The following SLC39A10 variants were observed in gnomAD, a reference collection of about 807,000 sequenced individuals.
SLC39A10 encodes zinc transporter ZIP10.
SLC39A10 carries 13 observed loss-of-function variants against 65.1 expected under a neutral mutation model. The ratio of observed to expected loss-of-function variants is 0.20; its 90% confidence interval spans 0.13 to 0.32. The LOEUF is 0.32. Ranked by LOEUF, SLC39A10 falls within the 10% of genes least tolerant of loss-of-function variation. The pLI is 1.00. For synonymous variants in SLC39A10, 321 were observed against 342.2 expected, an observed-to-expected ratio of 0.94 and a Z score of 0.68; for missense variants, 831 against 1,018.4, an observed-to-expected ratio of 0.82 and a Z score of 2.50.
At chr2:195,711,787 A>G (rs1691607993) in intron 5 of SLC39A10, among the ~76,000 whole-genome samples, 1 of 152,204 alleles carries the variant, frequency 6.6e-6, no homozygotes, top group African/African-American at 2.4e-5. Context: ...CAATTAAACA[A>G]AATCTCAGCT....
chr2:195,728,947 C>G lies in SLC39A10; in HGVS notation c.2337+598C>G, dbSNP rs1692336154. On this transcript the variant is annotated intron_variant, in intron 9 of 9. Coordinates refer to ENST00000359634, the MANE Select transcript of SLC39A10 (RefSeq NM_020342.3). This position sits in a 1 kb window ranked among gnomAD's most constrained non-coding sequence, Gnocchi z 4.4. The stretch of plus-strand genomic sequence containing the variant: ...TTTACTTTTTTTTTTCTGGTAAGAT[C>G]ACAGTCTTATTTCAAAATTATGCAG... Among the ~76,000 whole-genome samples the G allele has an allele frequency of 6.7e-6, 1 of 148,830 alleles. No individual in the cohort carries two copies. Among genetic ancestry groups the G allele is most frequent in the South Asian group, 2.1e-4 (1 of 4,746 alleles).
Position 195,700,141 on chromosome 2 carries a change from CAT to C in SLC39A10, c.1217-6473_1217-6472del, listed in dbSNP as rs1691120665. ...TAAAGTGAGTCTCTTGTATATAACA[CAT>C]AGTTGACTCATGTGTTTTTATTCAT... On this transcript the variant is annotated intron_variant, in intron 3 of 9. Transcript: ENST00000359634. Among the ~76,000 whole-genome samples, 4 of 152,218 alleles carry C rather than the reference CAT, an allele frequency of 2.6e-5. No individual in the cohort carries two copies. In the South Asian group the frequency reaches 6.2e-4, roughly 24 times the overall value.
chr2:195,643,575 A>G (rs942868925), intron 2 of SLC39A10, among the ~76,000 whole-genome samples: 13 of 152,354 alleles, frequency 8.5e-5, no homozygotes, highest in African/African-American at 3.1e-4. Flanking sequence ...TGGATAAACC[A>G]TTTTGCAGAA....
intron 1 of SLC39A10, among the ~76,000 whole-genome samples, chr2:195,673,950 C>G (rs894682413): frequency 1.3e-5 from 2 of 152,168 alleles, no homozygotes; most frequent in African/African-American, 4.8e-5. Context: ...TGTACTTCCT[C>G]TATCAGCTGA....
chr2:195,690,509 G>C (rs545771007), intron 3 of SLC39A10, among the ~76,000 whole-genome samples: 1 of 152,264 alleles, frequency 6.6e-6, no homozygotes, highest in African/African-American at 2.4e-5. Context: ...GAGTGCACAA[G>C]TCTCCCAGTT....
upstream of SLC39A10, chr2:195,656,809 G>C (rs757848057): frequency 6.6e-6 from 1 of 152,190 alleles, no homozygotes; most frequent in Non-Finnish European, 1.5e-5. Context: ...TTACTCATTC[G>C]CCTTGCCCAA....
intron 6 of SLC39A10, among the ~76,000 whole-genome samples, chr2:195,716,341 C>G (rs1053112797): frequency 4.6e-5 from 7 of 152,144 alleles, no homozygotes; most frequent in Admixed American, 2.0e-4. Context: ...ACTTTGCCTG[C>G]TTTTGATTTC....
intron 2 of SLC39A10, among the ~76,000 whole-genome samples, chr2:195,643,024 G>A (rs781084951): frequency 6.6e-6 from 1 of 152,194 alleles, no homozygotes; most frequent in South Asian, 2.1e-4. Context: ...CTTACTTGGT[G>A]GGACAATCAG....
At chr2:195,634,313 A>G (rs912827683) in intron 2 of SLC39A10, among the ~76,000 whole-genome samples, 1 of 152,222 alleles carries the variant, frequency 6.6e-6, no homozygotes, top group Non-Finnish European at 1.5e-5. Flanking sequence ...TGATTACTAT[A>G]TAACAGAGGA....
chr2:195,702,594 T>G (rs1032652932), intron 3 of SLC39A10, among the ~76,000 whole-genome samples: 23 of 152,242 alleles, frequency 1.5e-4, no homozygotes, highest in African/African-American at 5.5e-4. Flanking sequence ...ATCCTCCTCT[T>G]TTAACCATGT....
Position 195,725,066 on chromosome 2 carries a change from C to T in SLC39A10, c.2147-3093C>T, listed in dbSNP as rs188182741. ...AACAAATGGCGCTGTAACAATTGGA[C>T]ATCTACATGCAATTAAAAAAAAAGG... On this transcript the variant is annotated intron_variant, in intron 8 of 9. Transcript: ENST00000359634. Among the ~76,000 whole-genome samples the T allele has an allele frequency of 3.4e-4, 52 of 151,640 alleles. No individual in the cohort carries two copies. The East Asian group carries it at 9.9e-3, about 29-fold the overall frequency.
rs985692986 is a variant in SLC39A10 at position 195,621,208 on chromosome 2, T to C, written c.-12+14975T>C. The stretch of plus-strand genomic sequence containing the variant: ...ATGATGGTGCTTTTTGGAATCATAG[T>C]GAATTATATGAATTGTTGAGACAGG... On this transcript the variant is annotated intron_variant, in intron 2 of 2. Coordinates refer to the SLC39A10 transcript ENST00000458054. Among the ~76,000 whole-genome samples, 3 of 152,360 alleles carry C rather than the reference T, an allele frequency of 2.0e-5. No homozygotes were observed. In the East Asian group the frequency reaches 5.8e-4, roughly 29 times the overall value.
At chr2:195,650,406 G>A (rs1689008563) in intron 2 of SLC39A10, among the ~76,000 whole-genome samples, 1 of 151,826 alleles carries the variant, frequency 6.6e-6, no homozygotes, top group Non-Finnish European at 1.5e-5. Context: ...TTTTGCTTTT[G>A]TTCATTCTTC....
At chr2:195,724,291 T>A (rs993920996) in intron 8 of SLC39A10, among the ~76,000 whole-genome samples, 2 of 152,204 alleles carry the variant, frequency 1.3e-5, no homozygotes, top group East Asian at 3.8e-4. Flanking sequence ...GGAAAGAATA[T>A]TGATTTATCA....
chr2:195,645,746 G>C (rs1412892083), intron 2 of SLC39A10, among the ~76,000 whole-genome samples: 10 of 152,096 alleles, frequency 6.6e-5, no homozygotes, highest in Non-Finnish European at 1.5e-4. Flanking sequence ...GTTAATTCAT[G>C]TTGTAGCATG....
At chr2:195,672,208 A>G (rs555506129) in intron 1 of SLC39A10, among the ~76,000 whole-genome samples, 1 of 151,964 alleles carries the variant, frequency 6.6e-6, no homozygotes, top group Non-Finnish European at 1.5e-5. Context: ...TTGGCTCACT[A>G]CAGCCTGGCC....
At chr2:195,681,494 C>T (rs1296946106) in intron 2 of SLC39A10, among the ~76,000 whole-genome samples, 3 of 152,062 alleles carry the variant, frequency 2.0e-5, no homozygotes, top group Admixed American at 2.0e-4. Context: ...CACTGCACTC[C>T]AGCCTGGGCG....
chr2:195,723,821 T>TC (rs1692138890), intron 8 of SLC39A10, among the ~76,000 whole-genome samples: 1 of 152,118 alleles, frequency 6.6e-6, no homozygotes, highest in African/African-American at 2.4e-5. Flanking sequence ...TTGTGTAGTA[T>TC]ACCAGGGTGA....
chr2:195,710,558 A>G (rs897345736), intron 5 of SLC39A10, among the ~76,000 whole-genome samples: 2 of 152,210 alleles, frequency 1.3e-5, no homozygotes, highest in African/African-American at 4.8e-5. Flanking sequence ...TGGTTTACAT[A>G]AAACTTATTT....
Sources: allele counts gnomAD v4.1 joint callset (sites outside exome capture counted in the v4.1 genomes callset), GRCh38; gene constraint gnomAD v4.1.1; non-coding constraint Gnocchi (gnomAD v3.1); transcripts MANE v1.5; gene names NCBI Gene and HGNC (gene_info 2026-07-23, HGNC 2026-07-21).